C8orf34: variants seen among roughly 807,000 people sequenced by gnomAD.
The protein encoded by C8orf34 is uncharacterized protein C8orf34.
Under a neutral mutation model 68.3 loss-of-function variants are expected in C8orf34, and 65 were observed. The ratio of observed to expected loss-of-function variants is 0.95; its 90% CI spans 0.78 to 1.17. C8orf34 has a LOEUF of 1.17. Ranked by LOEUF, C8orf34 falls within the 50% of genes most tolerant of loss-of-function variation. The probability of loss-of-function intolerance (pLI) is 0.00; values close to 1 mark genes in which losing one functional copy is unlikely to be tolerated. For synonymous variants in C8orf34, 244 were observed against 241.2 expected (o/e 1.01, Z -0.11); for missense variants, 664 against 655.4 (o/e 1.01, Z -0.14).
At chr8:68,691,107 G>T (rs1820673067) in intron 8 of C8orf34, among the ~76,000 whole-genome samples, 1 of 151,908 alleles carries the variant, frequency 6.6e-6, no homozygotes, top group Non-Finnish European at 1.5e-5. Flanking sequence ...ACATATTTTG[G>T]AGTAGCACAT....
intron 1 of C8orf34, among the ~76,000 whole-genome samples, chr8:68,340,934 AAAC>A (rs1806044307): frequency 6.6e-6 from 1 of 152,216 alleles, no homozygotes; most frequent in Non-Finnish European, 1.5e-5. Context: ...AGAAATAAAA[AAAC>A]AACAAACAAA....
chr8:68,606,417 A>C (rs956830373), intron 7 of C8orf34, among the ~76,000 whole-genome samples: 12 of 152,156 alleles, frequency 7.9e-5, no homozygotes, highest in African/African-American at 2.7e-4. Flanking sequence ...TAAATGAACA[A>C]AATATTTATG....
intron 1 of C8orf34, among the ~76,000 whole-genome samples, chr8:68,367,912 G>C (rs369560564): frequency 1.3e-5 from 1 of 79,118 alleles, no homozygotes; most frequent in Non-Finnish European, 2.3e-5. Context: ...AAAAAGAAAA[G>C]AAAAAAAAAA....
At chr8:68,614,103 G>A (rs905529578) in intron 7 of C8orf34, among the ~76,000 whole-genome samples, 5 of 152,288 alleles carry the variant, frequency 3.3e-5, no homozygotes, top group Non-Finnish European at 7.3e-5. Flanking sequence ...AGAAGTGTCT[G>A]TTCATGTCCT....
At chr8:68,718,867 T>C (rs547185919) in intron 9 of C8orf34, among the ~76,000 whole-genome samples, 1 of 152,334 alleles carries the variant, frequency 6.6e-6, no homozygotes, top group Non-Finnish European at 1.5e-5. Flanking sequence ...CTGGTAAAAT[T>C]ACTTTATCTT....
At chr8:68,383,992 A>C (rs904301492) in intron 1 of C8orf34, among the ~76,000 whole-genome samples, 4 of 152,226 alleles carry the variant, frequency 2.6e-5, no homozygotes, top group African/African-American at 9.6e-5. Flanking sequence ...GGTGAATTTC[A>C]AACTGTCTGC....
intron 1 of C8orf34, among the ~76,000 whole-genome samples, chr8:68,388,733 A>G (rs1175108477): frequency 2.6e-5 from 4 of 152,206 alleles, no homozygotes; most frequent in Non-Finnish European, 4.4e-5. Flanking sequence ...GCCAAAACAC[A>G]AAGTAGTCAA....
At chr8:68,453,961 T>C (rs1364621096) in intron 3 of C8orf34, among the ~76,000 whole-genome samples, 2 of 152,056 alleles carry the variant, frequency 1.3e-5, no homozygotes, top group Non-Finnish European at 2.9e-5. Context: ...CTATTCCTAG[T>C]TTGTTGGATA....
At chr8:68,743,151 AAATTTG>A (rs1822354365) in intron 10 of C8orf34, among the ~76,000 whole-genome samples, 1 of 152,216 alleles carries the variant, frequency 6.6e-6, no homozygotes, top group Non-Finnish European at 1.5e-5. Context: ...TGAGGTAGTT[AAATTTG>A]AGTGGAGAAC....
intron 10 of C8orf34, among the ~76,000 whole-genome samples, chr8:68,757,101 G>C (rs1045286791): frequency 1.3e-5 from 2 of 152,084 alleles, no homozygotes; most frequent in African/African-American, 4.8e-5. Flanking sequence ...ATTTGATTCC[G>C]TTTTAAAGTC....
chr8:68,334,350 T>C (rs1428813168), intron 1 of C8orf34, among the ~76,000 whole-genome samples: 2 of 151,902 alleles, frequency 1.3e-5, no homozygotes, highest in Admixed American at 6.6e-5. Context: ...TATGAAGGTG[T>C]AAGATGAAAA....
At chr8:68,612,461 A>G (rs908094214) in intron 7 of C8orf34, among the ~76,000 whole-genome samples, 14 of 152,246 alleles carry the variant, frequency 9.2e-5, no homozygotes, top group African/African-American at 3.4e-4. Context: ...GTATTCTGAC[A>G]TAATATAGAA....
At chr8:68,640,236 T>A in intron 7 of C8orf34, 140 bp from the exon 8 acceptor site, 2 of 677,588 alleles carry the variant, frequency 3.0e-6, no homozygotes, top group South Asian at 2.0e-5. Context: ...AAATAATTGA[T>A]ATATGTAGTT....
intron 10 of C8orf34, among the ~76,000 whole-genome samples, chr8:68,736,240 C>A (rs1822119248): frequency 6.6e-6 from 1 of 152,126 alleles, no homozygotes; most frequent in Non-Finnish European, 1.5e-5. Flanking sequence ...TGTAGCAAGG[C>A]AAACTGTCCA....
At chr8:68,601,584 T>G (rs1817700224) in intron 7 of C8orf34, among the ~76,000 whole-genome samples, 1 of 152,180 alleles carries the variant, frequency 6.6e-6, no homozygotes, top group Admixed American at 6.5e-5. Context: ...TTGAGTCTCT[T>G]TTGACTACTA....
intron 1 of C8orf34, among the ~76,000 whole-genome samples, chr8:68,371,134 T>G (rs1006405917): frequency 4.6e-5 from 7 of 152,132 alleles, no homozygotes; most frequent in African/African-American, 1.7e-4. Context: ...CCAAAGAAGC[T>G]TGGGGTCCAA....
At chr8:68,795,600 G>C (rs1824157022) in intron 12 of C8orf34, among the ~76,000 whole-genome samples, 1 of 152,148 alleles carries the variant, frequency 6.6e-6, no homozygotes. Context: ...CTGCTAAGTA[G>C]CATAGTGGTC....
chr8:68,672,752 C>T (rs906891843), intron 8 of C8orf34, among the ~76,000 whole-genome samples: 6 of 152,112 alleles, frequency 3.9e-5, no homozygotes, highest in Non-Finnish European at 8.8e-5. Context: ...AGGCAGTGGA[C>T]TTGGGGGGCA....
At chr8:68,475,166 G>T (rs973983275) in intron 4 of C8orf34, among the ~76,000 whole-genome samples, 2 of 152,194 alleles carry the variant, frequency 1.3e-5, no homozygotes, top group African/African-American at 2.4e-5. Flanking sequence ...TCCTTCCACT[G>T]CTTCCCTCTT....
Sources: gnomAD v4.1 joint callset for allele counts (sites outside exome capture counted in the v4.1 genomes callset) on GRCh38, gnomAD v4.1.1 for gene constraint, MANE v1.5 for transcripts, NCBI Gene and HGNC (gene_info 2026-07-23, HGNC 2026-07-21) for gene names.